The following NEBL variants were observed in gnomAD, a reference collection of about 807,000 sequenced individuals.
NEBL encodes the protein LIM and SH3 protein 2.
In NEBL, 122 loss-of-function variants were observed where a neutral mutation model predicts 140.2. That is an observed-to-expected ratio of 0.87 (90% CI 0.75 to 1.01). The LOEUF is 1.01. Among genes scored for constraint, NEBL ranks in the 50% least tolerant of loss-of-function variants. NEBL has a pLI of 0.00. For missense variants in NEBL, 1,365 were observed against 1,231.3 expected, an observed-to-expected ratio of 1.11 and a Z score of -1.62; for synonymous variants, 436 against 398.9, an observed-to-expected ratio of 1.09 and a Z score of -1.11.
At position 20,819,511 on chromosome 10, in the gene NEBL, C is replaced by A; in HGVS notation, c.1968G>T (p.Gln656His). The A allele has an allele frequency of 6.2e-7, 1 of 1,613,976 alleles. No homozygotes were observed. The highest frequency in any genetic ancestry group is 8.5e-7 in the Non-Finnish European group (1 of 1,179,928). The change falls in exon 20 of 28, where the codon CAG becomes CAT. Residue 656 changes from glutamine (Q) to histidine (H), a missense_variant. Transcript: ENST00000377122. Reference protein sequence around the residue: ...KENQKNISNLQYKEQNYKATP... With the variant: ...KENQKNISNLHYKEQNYKATP... ...TGGCCTTGTAGTTTTGCTCTTTATA[C>A]TGGAGCTGAGAGACAAGGTGCAAGA... is the stretch of plus-strand genomic sequence containing the variant.
At chr10:20,925,601 A>G (rs184910248) in intron 4 of NEBL, among the ~76,000 whole-genome samples, 2 of 152,076 alleles carry the variant, frequency 1.3e-5, no homozygotes, top group African/African-American at 4.8e-5. Flanking sequence ...AAGCAATCTG[A>G]TTTCACACTA....
intron 1 of NEBL, among the ~76,000 whole-genome samples, chr10:21,262,428 C>T (rs370557115): frequency 2.2e-4 from 34 of 152,318 alleles, no homozygotes; most frequent in African/African-American, 7.7e-4. Context: ...TCTGGCCCCA[C>T]GCCTGTTCCC....
At chr10:20,837,082 C>T (rs565092730) in intron 13 of NEBL, among the ~76,000 whole-genome samples, 73 of 151,952 alleles carry the variant, frequency 4.8e-4, no homozygotes, top group Non-Finnish European at 9.1e-4. Context: ...TACAATGGCC[C>T]CTAGATGGTC....
chr10:20,806,558 G>A (rs1364660595), intron 26 of NEBL, among the ~76,000 whole-genome samples: 4 of 152,184 alleles, frequency 2.6e-5, no homozygotes, highest in African/African-American at 4.8e-5. Flanking sequence ...ATGCAGCTGC[G>A]CTGTTATTGT....
intron 4 of NEBL, among the ~76,000 whole-genome samples, chr10:20,956,000 A>C (rs1835784368): frequency 6.6e-6 from 1 of 152,048 alleles, no homozygotes; most frequent in African/African-American, 2.4e-5. Context: ...TTTACAACCA[A>C]AACTCTTGTA....
intron 2 of NEBL, among the ~76,000 whole-genome samples, chr10:21,143,570 G>A (rs1044782717): frequency 2.0e-5 from 3 of 150,548 alleles, no homozygotes; most frequent in African/African-American, 7.3e-5. Context: ...TAAGGTAAAA[G>A]AAAGGAGAAC....
At chr10:20,795,806 C>T (rs993221437) in intron 26 of NEBL, among the ~76,000 whole-genome samples, 1 of 152,102 alleles carries the variant, frequency 6.6e-6, no homozygotes, top group African/African-American at 2.4e-5. Context: ...GATCTCCCAC[C>T]ATCAGTATTA....
intron 3 of NEBL, among the ~76,000 whole-genome samples, chr10:21,234,386 T>C (rs72798601): frequency 0.04 from 6,123 of 152,060 alleles, 188 homozygotes; most frequent in South Asian, 0.14. Flanking sequence ...CACCACCTTC[T>C]CTCTCATGCA....
chr10:20,823,021 C>CA (rs1323365842), intron 19 of NEBL, among the ~76,000 whole-genome samples, 187 bp downstream of exon 19: 1 of 152,134 alleles, frequency 6.6e-6, no homozygotes, highest in Non-Finnish European at 1.5e-5. Flanking sequence ...TAAATGCTGA[C>CA]ACAAGGCATT....
chr10:21,037,579 T>A (rs1834066076), intron 2 of NEBL, among the ~76,000 whole-genome samples: 1 of 152,168 alleles, frequency 6.6e-6, no homozygotes, highest in African/African-American at 2.4e-5. Flanking sequence ...CAAGAGAGAA[T>A]TTTAGGGAGT....
chr10:20,989,704 T>C (rs1011563742), intron 3 of NEBL, among the ~76,000 whole-genome samples: 10 of 152,170 alleles, frequency 6.6e-5, no homozygotes, highest in African/African-American at 1.7e-4. Flanking sequence ...CCCACTTATA[T>C]TGACATTTGA....
intron 19 of NEBL, among the ~76,000 whole-genome samples, chr10:20,819,757 C>T (rs1053076175): frequency 6.6e-6 from 1 of 152,022 alleles, no homozygotes; most frequent in Non-Finnish European, 1.5e-5. Flanking sequence ...CAAGGTCTTG[C>T]TCCGTTGTCC....
At chr10:21,234,493 C>T (rs913966254) in intron 3 of NEBL, among the ~76,000 whole-genome samples, 1 of 152,154 alleles carries the variant, frequency 6.6e-6, no homozygotes, top group East Asian at 1.9e-4. Flanking sequence ...GATGCCAACA[C>T]CATGCTTCCT....
intron 1 of NEBL, among the ~76,000 whole-genome samples, chr10:21,286,664 C>G (rs1201359557): frequency 6.6e-6 from 1 of 152,100 alleles, no homozygotes; most frequent in Non-Finnish European, 1.5e-5. Flanking sequence ...AACCCTGTCT[C>G]TATTAAAAAA....
chr10:21,062,230 ACT>A (rs533914261), intron 2 of NEBL, among the ~76,000 whole-genome samples: 36 of 152,294 alleles, frequency 2.4e-4, no homozygotes, highest in African/African-American at 6.3e-4. Context: ...AGCTAAGAAA[ACT>A]CTTTCACAAC....
chr10:20,978,144 T>C (rs11012440), intron 3 of NEBL, among the ~76,000 whole-genome samples: 27,624 of 151,984 alleles, frequency 0.18, 4,631 homozygotes, highest in African/African-American at 0.44. Context: ...GCTAGGCAAT[T>C]CCCCAGCTAA....
rs565435861 is a variant in NEBL, at chr10:20,781,653, A to C, written c.*4094T>G. The C allele has an allele frequency of 3.7e-4, 57 of 152,642 alleles. No homozygotes were observed. The highest frequency in any genetic ancestry group is 1.3e-3 in the African/African-American group (53 of 41,580). 9.5% of individuals were successfully genotyped at this position (152,642 alleles called of 1,614,324 possible). A position where few individuals can be genotyped will look rare whatever the true frequency, so the allele number is the denominator to read the frequency against. On this transcript the variant is annotated 3_prime_UTR_variant, in exon 28 of 28. Coordinates refer to ENST00000377122, the MANE Select transcript of NEBL (RefSeq NM_006393.3). The stretch of plus-strand genomic sequence containing the variant: ...TACAGACAACTGAGAAAATTTGCTC[A>C]AAGATTCTTCCAAGTTTATGGGTTC...
intron 3 of NEBL, among the ~76,000 whole-genome samples, chr10:21,201,913 C>A (rs1315035384): frequency 6.6e-6 from 1 of 152,084 alleles, no homozygotes; most frequent in African/African-American, 2.4e-5. Context: ...TATCAGATTT[C>A]TTTTTTCATG....
At chr10:21,023,304 T>C (rs1270888109) in intron 2 of NEBL, among the ~76,000 whole-genome samples, 1 of 152,224 alleles carries the variant, frequency 6.6e-6, no homozygotes, top group Non-Finnish European at 1.5e-5. Flanking sequence ...ACAGAAAGTT[T>C]AGCCCGTTGA....
Sources: allele counts gnomAD v4.1 joint callset (sites outside exome capture counted in the v4.1 genomes callset), GRCh38; gene constraint gnomAD v4.1.1; transcripts MANE v1.5; gene names NCBI Gene and HGNC (gene_info 2026-07-23, HGNC 2026-07-21).